The following KLRG1 variants were observed in gnomAD, a reference collection of about 807,000 sequenced individuals.
KLRG1 encodes the protein killer cell lectin like receptor G1.
In KLRG1, 16 loss-of-function variants were observed where a neutral mutation model predicts 21.8. The ratio of observed to expected loss-of-function variants is 0.73; its 90% CI spans 0.50 to 1.11. The LOEUF (loss-of-function observed/expected upper bound fraction) is 1.11. Ranked by LOEUF, KLRG1 falls within the 50% of genes most tolerant of loss-of-function variation. KLRG1 has a pLI of 0.00. For missense variants in KLRG1, 173 were observed against 218.3 expected (o/e 0.79, Z 1.31); for synonymous variants, 69 against 75.9 (o/e 0.91, Z 0.47).
the KLRG1 span, chr12:9,148,986 G>A: frequency 6.2e-7 from 1 of 1,611,214 alleles, no homozygotes; most frequent in African/African-American, 1.3e-5. Context: ...ACATTTCCAT[G>A]CTCTGTATCT....
intron 1 of KLRG1, among the ~76,000 whole-genome samples, chr12:8,983,107 T>C (rs1279809162): frequency 6.6e-6 from 1 of 152,198 alleles, no homozygotes; most frequent in Non-Finnish European, 1.5e-5. Context: ...TGTTTTACTT[T>C]CTGTTTTTTT....
intron 2 of KLRG1, among the ~76,000 whole-genome samples, chr12:8,993,836 T>A (rs1471935676): frequency 6.6e-6 from 1 of 152,128 alleles, no homozygotes; most frequent in Admixed American, 6.6e-5. Flanking sequence ...AATACTACTT[T>A]CCCCACTTTG....
chr12:8,977,097 C>T (rs772144558), intron 1 of KLRG1, among the ~76,000 whole-genome samples: 2 of 152,056 alleles, frequency 1.3e-5, no homozygotes, highest in African/African-American at 4.8e-5. Flanking sequence ...TTTCTGCTCT[C>T]TTTTGGTTAC....
the KLRG1 span, among the ~76,000 whole-genome samples, chr12:9,053,565 A>C: frequency 0.56 from 84,641 of 151,918 alleles, 25,078 homozygotes; most frequent in African/African-American, 0.75. Flanking sequence ...ATCACCACTA[A>C]GGAAACCATC....
chr12:9,104,327 T>C, the KLRG1 span: 2 of 1,611,308 alleles, frequency 1.2e-6, no homozygotes, highest in African/African-American at 1.3e-5. Context: ...ATTGGAGTAA[T>C]AGTTTGCTTC....
the KLRG1 span, chr12:9,067,950 C>G: frequency 9.1e-7 from 1 of 1,095,204 alleles, no homozygotes; most frequent in Non-Finnish European, 1.4e-6. Context: ...CTAATCAGTA[C>G]AGTGGGAAAC....
the KLRG1 span, among the ~76,000 whole-genome samples, chr12:9,020,108 G>A: frequency 6.6e-6 from 1 of 151,830 alleles, no homozygotes; most frequent in African/African-American, 2.4e-5. Context: ...TAGGGATGGG[G>A]TCTTGCTGTG....
At chr12:9,000,021 TG>T (rs767357934) in intron 3 of KLRG1, among the ~76,000 whole-genome samples, 132 of 152,002 alleles carry the variant, frequency 8.7e-4, no homozygotes, top group Non-Finnish European at 1.7e-3. Flanking sequence ...AGAGACAGAG[TG>T]ATACTCTGTC....
the KLRG1 span, among the ~76,000 whole-genome samples, chr12:9,178,576 G>A: frequency 4.6e-5 from 7 of 152,286 alleles, no homozygotes; most frequent in East Asian, 1.9e-4. Flanking sequence ...CGGTAAGAAC[G>A]AATCTTCTAT....
intron 1 of KLRG1, among the ~76,000 whole-genome samples, chr12:8,968,431 G>A (rs1011615204): frequency 1.3e-5 from 2 of 152,164 alleles, no homozygotes; most frequent in African/African-American, 2.4e-5. Flanking sequence ...AGATAATCAG[G>A]AGAACATGTG....
At chr12:9,123,240 C>A in the KLRG1 span, among the ~76,000 whole-genome samples, 50 of 152,180 alleles carry the variant, frequency 3.3e-4, 1 homozygote, top group South Asian at 0.01. Context: ...TAGTACCTAA[C>A]CCTATATATA....
At chr12:9,161,184 T>G in the KLRG1 span, 38 of 1,324,534 alleles carry the variant, frequency 2.9e-5, no homozygotes, top group Non-Finnish European at 3.8e-5. Flanking sequence ...GTGATTATAA[T>G]GTAGTGAGAG....
chr12:9,194,661 T>G, the KLRG1 span, among the ~76,000 whole-genome samples: 1 of 152,036 alleles, frequency 6.6e-6, no homozygotes, highest in African/African-American at 2.4e-5. Flanking sequence ...AGACGGGGTT[T>G]CACCATGTTA....
chr12:9,215,358 A>G, the KLRG1 span, among the ~76,000 whole-genome samples: 1 of 152,192 alleles, frequency 6.6e-6, no homozygotes, highest in East Asian at 1.9e-4. Context: ...AGAATGCTTG[A>G]CACAAGATCA....
At chr12:9,110,091 A>C in the KLRG1 span, 2 of 1,544,326 alleles carry the variant, frequency 1.3e-6, no homozygotes, top group Non-Finnish European at 1.8e-6. Flanking sequence ...TGGAGCTAAT[A>C]AAAGATATCT....
chr12:9,000,197 G>T (rs1056939468), intron 3 of KLRG1, among the ~76,000 whole-genome samples: 1 of 152,124 alleles, frequency 6.6e-6, no homozygotes, highest in African/African-American at 2.4e-5. Flanking sequence ...AATCTGAGAT[G>T]ACATGTCAGA....
intron 1 of KLRG1, chr12:8,990,284 T>C (rs1946929960): frequency 6.6e-6 from 1 of 152,052 alleles, no homozygotes; most frequent in Non-Finnish European, 1.5e-5. Flanking sequence ...TGACTGAGGA[T>C]TTGAAGGCAA....
chr12:8,958,592 C>T (rs1358618647), intron 1 of KLRG1, among the ~76,000 whole-genome samples: 1 of 150,426 alleles, frequency 6.6e-6, no homozygotes, highest in Non-Finnish European at 1.5e-5. Flanking sequence ...CATAGTGGCT[C>T]ACGTGTGTAA....
the KLRG1 span, among the ~76,000 whole-genome samples, chr12:9,134,669 A>G: frequency 6.6e-6 from 1 of 152,158 alleles, no homozygotes; most frequent in South Asian, 2.1e-4. Context: ...ATCATGCAGT[A>G]TTTGTCTTTC....
Sources: allele counts gnomAD v4.1 joint callset (sites outside exome capture counted in the v4.1 genomes callset), GRCh38; gene constraint gnomAD v4.1.1; transcripts MANE v1.5; gene names NCBI Gene and HGNC (gene_info 2026-07-23, HGNC 2026-07-21).